Variants in ALK observed in about 807,000 individuals in gnomAD.
ALK encodes ALK tyrosine kinase receptor.
In ALK, 74 loss-of-function variants were observed where a neutral mutation model predicts 163.1. The ratio of observed to expected loss-of-function variants is 0.45; its 90% CI spans 0.38 to 0.55. ALK has a LOEUF of 0.55. Ranked by LOEUF, ALK falls within the 20% of genes least tolerant of loss-of-function variation. The probability of loss-of-function intolerance (pLI) is 0.00; values close to 1 mark genes in which losing one functional copy is unlikely to be tolerated. For synonymous variants in ALK, 960 were observed against 843.2 expected (o/e 1.14, Z -2.40); for missense variants, 2,063 against 2,105.3 (o/e 0.98, Z 0.39).
chr2:29,879,316 T>C (rs1221420540), intron 1 of ALK, among the ~76,000 whole-genome samples: 1 of 152,206 alleles, frequency 6.6e-6, no homozygotes, highest in African/African-American at 2.4e-5. Context: ...CCAAAGTGCT[T>C]GTGGTTGATC....
intron 3 of ALK, among the ~76,000 whole-genome samples, chr2:29,586,184 T>C (rs752153491): frequency 7.9e-5 from 12 of 152,164 alleles, no homozygotes; most frequent in Non-Finnish European, 1.8e-4. Context: ...TTTTAAGTAT[T>C]CTTCTTTGAA....
chr2:29,477,932 C>T (rs1671566656), intron 4 of ALK, among the ~76,000 whole-genome samples: 1 of 152,170 alleles, frequency 6.6e-6, no homozygotes, highest in Non-Finnish European at 1.5e-5. Flanking sequence ...GCAAGGAAGG[C>T]ACTTCTGCCA....
chr2:29,275,779 T>A (rs914181002), intron 9 of ALK, among the ~76,000 whole-genome samples: 1 of 152,094 alleles, frequency 6.6e-6, no homozygotes, highest in African/African-American at 2.4e-5. Context: ...TCCCTGATAA[T>A]CTGAGGAGAA....
intron 1 of ALK, among the ~76,000 whole-genome samples, chr2:29,758,005 CTTT>C (rs1213067837): frequency 1.3e-4 from 14 of 104,968 alleles, no homozygotes; most frequent in African/African-American, 2.9e-4. Context: ...CCCGCATCCT[CTTT>C]TTTTTTTTTT....
chr2:29,468,072 C>T (rs939692956), intron 4 of ALK, among the ~76,000 whole-genome samples: 2 of 151,310 alleles, frequency 1.3e-5, no homozygotes, highest in South Asian at 4.2e-4. Context: ...GCTCTGTTGC[C>T]CAGGCTGGAG....
intron 3 of ALK, among the ~76,000 whole-genome samples, chr2:29,678,685 T>A (rs1311227147): frequency 6.6e-6 from 1 of 151,346 alleles, no homozygotes; most frequent in African/African-American, 2.4e-5. Context: ...TGCATAATTT[T>A]AATTTTAATT....
At chr2:29,280,799 C>T (rs1437370434) in intron 9 of ALK, among the ~76,000 whole-genome samples, 1 of 149,890 alleles carries the variant, frequency 6.7e-6, no homozygotes, top group Admixed American at 6.7e-5. Flanking sequence ...CACTCTGGGA[C>T]TGAGGGGAGG....
intron 3 of ALK, among the ~76,000 whole-genome samples, chr2:29,649,604 T>C (rs571218860): frequency 1.3e-5 from 2 of 152,226 alleles, no homozygotes; most frequent in African/African-American, 4.8e-5. Context: ...ACCCCCTTTT[T>C]TTCCTTAGTA....
intron 3 of ALK, among the ~76,000 whole-genome samples, chr2:29,663,924 G>C (rs956323220): frequency 2.6e-5 from 4 of 152,108 alleles, no homozygotes; most frequent in African/African-American, 9.7e-5. Flanking sequence ...CCACCCTGAA[G>C]GGGACTTAGA....
intron 3 of ALK, among the ~76,000 whole-genome samples, chr2:29,678,358 T>C (rs2148276651): frequency 6.6e-6 from 1 of 152,006 alleles, no homozygotes; most frequent in Non-Finnish European, 1.5e-5. Context: ...TTTTCATTGA[T>C]TTTTCTAATT....
chr2:29,365,476 G>A (rs1390598836), intron 5 of ALK, among the ~76,000 whole-genome samples: 1 of 152,186 alleles, frequency 6.6e-6, no homozygotes, highest in Non-Finnish European at 1.5e-5. Context: ...CAGAGAAAGA[G>A]GGTCCAGCTC....
intron 3 of ALK, among the ~76,000 whole-genome samples, chr2:29,582,455 C>T (rs918710691): frequency 4.6e-5 from 7 of 152,112 alleles, no homozygotes; most frequent in Non-Finnish European, 8.8e-5. Context: ...ATTGGGGTCT[C>T]GGGATTGGGT....
intron 1 of ALK, among the ~76,000 whole-genome samples, chr2:29,880,105 C>T (rs1666816255): frequency 6.6e-6 from 1 of 152,198 alleles, no homozygotes; most frequent in Non-Finnish European, 1.5e-5. Context: ...GAAATGCCAT[C>T]TTTTCTGCAG....
chr2:29,472,646 C>T (rs1322232692), intron 4 of ALK, among the ~76,000 whole-genome samples: 3 of 152,074 alleles, frequency 2.0e-5, no homozygotes, highest in African/African-American at 7.2e-5. Context: ...AAATGATCAA[C>T]TAGAATCAAT....
chr2:29,297,432 C>T (rs537934551), intron 8 of ALK, among the ~76,000 whole-genome samples: 40 of 152,082 alleles, frequency 2.6e-4, no homozygotes, highest in Non-Finnish European at 4.7e-4. Flanking sequence ...GCCTGTGGCC[C>T]CAATTTACTT....
chr2:29,537,474 C>G (rs562464383), intron 3 of ALK, among the ~76,000 whole-genome samples: 12 of 152,334 alleles, frequency 7.9e-5, no homozygotes, highest in Non-Finnish European at 1.6e-4. Flanking sequence ...TACAGACACA[C>G]AGAATGCAAG....
At chr2:29,397,840 G>T (rs1669347025) in intron 4 of ALK, among the ~76,000 whole-genome samples, 1 of 152,186 alleles carries the variant, frequency 6.6e-6, no homozygotes, top group African/African-American at 2.4e-5. Context: ...CATTAGATTT[G>T]CCCAGGCTCA....
chr2:29,205,144 T>C (rs1462771443), intron 26 of ALK, among the ~76,000 whole-genome samples: 1 of 152,240 alleles, frequency 6.6e-6, no homozygotes, highest in Non-Finnish European at 1.5e-5. Flanking sequence ...CATTTATGGT[T>C]GCAATAGTTT....
intron 3 of ALK, among the ~76,000 whole-genome samples, chr2:29,643,161 G>A (rs540804467): frequency 1.3e-5 from 2 of 152,164 alleles, no homozygotes; most frequent in Admixed American, 1.3e-4. Context: ...AAATAATAAT[G>A]GTTTCTTGGG....
Sources: allele counts gnomAD v4.1 joint callset (sites outside exome capture counted in the v4.1 genomes callset), GRCh38; gene constraint gnomAD v4.1.1; transcripts MANE v1.5; gene names NCBI Gene and HGNC (gene_info 2026-07-23, HGNC 2026-07-21).